RGPD6: variants seen among roughly 807,000 people sequenced by gnomAD.
RGPD6 encodes the protein RANBP2-like and GRIP domain-containing protein 5/6.
chr2:110,603,670 C>A, the RGPD6 span, among the ~76,000 whole-genome samples: 3 of 77,446 alleles, frequency 3.9e-5, no homozygotes, highest in East Asian at 1.0e-3. Context: ...TCGGAGATAG[C>A]CTATTGCTGC....
the RGPD6 span, among the ~76,000 whole-genome samples, chr2:110,601,588 G>A: frequency 1.3e-5 from 2 of 148,160 alleles, no homozygotes; most frequent in South Asian, 2.2e-4. Flanking sequence ...CTACCTTCAC[G>A]CTTGAGGGCA....
the RGPD6 span, among the ~76,000 whole-genome samples, chr2:110,600,194 G>C: frequency 7.8e-4 from 80 of 102,274 alleles, no homozygotes; most frequent in African/African-American, 2.6e-3. Flanking sequence ...TAGGGCCACA[G>C]GTGGCACACC....
the RGPD6 span, among the ~76,000 whole-genome samples, chr2:110,596,911 T>C: frequency 7.2e-6 from 1 of 138,272 alleles, no homozygotes; most frequent in African/African-American, 2.8e-5. Context: ...GGAGACCATT[T>C]ACATACATAT....
the RGPD6 span, among the ~76,000 whole-genome samples, chr2:110,594,112 A>G: frequency 7.2e-6 from 1 of 138,054 alleles, no homozygotes; most frequent in South Asian, 2.2e-4. Flanking sequence ...TCAATGTATT[A>G]AAGTATATAA....
At chr2:110,606,868 C>T in the RGPD6 span, among the ~76,000 whole-genome samples, 1 of 151,622 alleles carries the variant, frequency 6.6e-6, no homozygotes, top group African/African-American at 2.4e-5. Flanking sequence ...CAAATATGGT[C>T]TCTTTTCTGA....
At chr2:110,610,805 G>T in the RGPD6 span, 1 of 1,103,202 alleles carries the variant, frequency 9.1e-7, no homozygotes, top group Non-Finnish European at 1.1e-6. Flanking sequence ...CGCTGCCGCC[G>T]CTGCCGCCGC....
At chr2:110,607,405 C>G in the RGPD6 span, among the ~76,000 whole-genome samples, 130 of 148,810 alleles carry the variant, frequency 8.7e-4, 1 homozygote, top group Non-Finnish European at 1.5e-3. Flanking sequence ...GTTGAAACAG[C>G]CATCTGGATA....
chr2:110,607,407 A>G, the RGPD6 span, among the ~76,000 whole-genome samples: 1 of 148,976 alleles, frequency 6.7e-6, no homozygotes, highest in Non-Finnish European at 1.5e-5. Context: ...TGAAACAGCC[A>G]TCTGGATAAT....
chr2:110,610,720 T>G, the RGPD6 span, among the ~76,000 whole-genome samples: 1 of 144,148 alleles, frequency 6.9e-6, no homozygotes, highest in Non-Finnish European at 1.5e-5. Flanking sequence ...CTTACCACAG[T>G]GACTCGAGGT....
chr2:110,611,052 C>T, the RGPD6 span: 14 of 962,334 alleles, frequency 1.5e-5, no homozygotes, highest in African/African-American at 2.1e-5. Flanking sequence ...GCCGCCACCG[C>T]CCCCGGCCCT....
chr2:110,604,447 G>A, the RGPD6 span, among the ~76,000 whole-genome samples: 2 of 141,170 alleles, frequency 1.4e-5, no homozygotes, highest in African/African-American at 5.5e-5. Flanking sequence ...AATAGGAAAT[G>A]AGAAAAATCA....
At chr2:110,610,770 T>C in the RGPD6 span, 2 of 1,127,046 alleles carry the variant, frequency 1.8e-6, no homozygotes, top group East Asian at 7.4e-5. Flanking sequence ...CTGTCCATGG[T>C]GGGAGGTGTC....
the RGPD6 span, among the ~76,000 whole-genome samples, chr2:110,596,975 A>ATTATG: frequency 0.017 from 21 of 1,270 alleles, no homozygotes; most frequent in East Asian, 0.18. Context: ...TATATTATGT[A>ATTATG]TATATATATA....
At chr2:110,600,089 C>T in the RGPD6 span, among the ~76,000 whole-genome samples, 1 of 151,834 alleles carries the variant, frequency 6.6e-6, no homozygotes, top group African/African-American at 2.4e-5. Context: ...TACAGTATGC[C>T]GCCGCACGTG....
the RGPD6 span, among the ~76,000 whole-genome samples, chr2:110,605,616 G>A: frequency 1.3e-5 from 2 of 151,594 alleles, no homozygotes; most frequent in Admixed American, 6.6e-5. Flanking sequence ...ATGAAGTAAA[G>A]TCTAAAAAGG....
the RGPD6 span, among the ~76,000 whole-genome samples, chr2:110,591,673 TC>T: frequency 6.6e-6 from 1 of 151,940 alleles, no homozygotes; most frequent in Non-Finnish European, 1.5e-5. Context: ...CAATCTTACC[TC>T]CCCTTTATGC....
chr2:110,610,903 C>T, the RGPD6 span: 11 of 817,994 alleles, frequency 1.3e-5, no homozygotes, highest in Non-Finnish European at 1.6e-5. Context: ...CCGCCGCCCG[C>T]CCCCAGGTCG....
At chr2:110,601,077 G>A in the RGPD6 span, among the ~76,000 whole-genome samples, 3 of 151,300 alleles carry the variant, frequency 2.0e-5, no homozygotes, top group African/African-American at 7.3e-5. Flanking sequence ...TTCTATTTTA[G>A]TAAACTACAG....
At chr2:110,606,021 A>G in the RGPD6 span, among the ~76,000 whole-genome samples, 6 of 151,808 alleles carry the variant, frequency 4.0e-5, no homozygotes, top group East Asian at 9.6e-4. Context: ...CAAAAAACAC[A>G]CTGTCCTTTG....
Sources: gnomAD v4.1 joint callset for allele counts (sites outside exome capture counted in the v4.1 genomes callset) on GRCh38, gnomAD v4.1.1 for gene constraint, MANE v1.5 for transcripts, NCBI Gene and HGNC (gene_info 2026-07-23, HGNC 2026-07-21) for gene names.